Variants in ABTB2 observed in about 807,000 individuals in gnomAD.
ABTB2 encodes ankyrin repeat and BTB/POZ domain-containing protein 2.
ABTB2 carries 56 observed loss-of-function variants against 104.1 expected under a neutral mutation model. The ratio of observed to expected loss-of-function variants is 0.54; its 90% CI spans 0.43 to 0.67. ABTB2 has a LOEUF of 0.67. ABTB2 is among the 30% of genes least tolerant of loss of function. ABTB2 has a pLI of 0.00. For synonymous variants in ABTB2, 606 were observed against 608.2 expected (o/e 1.00, Z 0.05); for missense variants, 1,279 against 1,407.7 (o/e 0.91, Z 1.46).
intron 1 of ABTB2, among the ~76,000 whole-genome samples, chr11:34,217,860 T>TG (rs1407589678): frequency 1.3e-5 from 2 of 152,234 alleles, no homozygotes; most frequent in Non-Finnish European, 2.9e-5. Context: ...ACTGCCAAAT[T>TG]GTCTTCCAAA....
intron 1 of ABTB2, among the ~76,000 whole-genome samples, chr11:34,261,709 T>C (rs1854191359): frequency 6.6e-6 from 1 of 152,236 alleles, no homozygotes; most frequent in African/African-American, 2.4e-5. Flanking sequence ...ATGGGCATTA[T>C]AGTAAATTTA....
At position 34,357,387 on chromosome 11, in the gene ABTB2, T is replaced by G; in HGVS notation, c.197A>C (p.Asn66Thr). The stretch of plus-strand genomic sequence containing the variant: ...CACCGTGTTCACCGTGTCCCAGCTG[T>G]TGTGGCGGCTGTTCATGGAGCCGGA... ...CYSGSMNSRHNSWDTVNTVLP... is the reference protein window; with the variant it reads ...CYSGSMNSRHTSWDTVNTVLP... The change falls in exon 1 of 17, where the codon AAC becomes ACC. Residue 66 changes from asparagine to threonine, a missense_variant. Transcript: ENST00000435224. 1.3e-6 allele frequency: 2 copies of G among 1,544,150 alleles called. No homozygotes were observed. Among genetic ancestry groups the G allele is most frequent in the Non-Finnish European group, 1.8e-6 (2 of 1,142,626 alleles).
At chr11:34,350,807 C>T (rs1855389597) in intron 1 of ABTB2, among the ~76,000 whole-genome samples, 1 of 152,184 alleles carries the variant, frequency 6.6e-6, no homozygotes, top group Non-Finnish European at 1.5e-5. Context: ...ACCTTGGATT[C>T]TGTAATTCTT....
chr11:34,295,119 G>A (rs1408966467), intron 1 of ABTB2, among the ~76,000 whole-genome samples: 2 of 152,184 alleles, frequency 1.3e-5, no homozygotes. Flanking sequence ...AGGAGTTTGA[G>A]GCTGTAGTGA....
intron 3 of ABTB2, among the ~76,000 whole-genome samples, chr11:34,191,696 GGAA>G (rs1413147167): frequency 1.1e-4 from 17 of 152,266 alleles, no homozygotes; most frequent in African/African-American, 4.1e-4. Context: ...GGGAAGTGTG[GGAA>G]GAAGGACAAA....
intron 1 of ABTB2, among the ~76,000 whole-genome samples, chr11:34,211,510 A>G (rs1853479755): frequency 6.6e-6 from 1 of 152,130 alleles, no homozygotes; most frequent in African/African-American, 2.4e-5. Flanking sequence ...GTGTTGAGAC[A>G]AGAGCAAGAT....
chr11:34,322,530 G>T (rs914165819), intron 1 of ABTB2, among the ~76,000 whole-genome samples: 1 of 151,892 alleles, frequency 6.6e-6, no homozygotes, highest in African/African-American at 2.4e-5. Flanking sequence ...AACTGAGATT[G>T]CACCACTGCA....
At position 34,160,327 on chromosome 11, in the gene ABTB2, A is replaced by G; in HGVS notation, c.2424T>C (p.Ala808=). 6.2e-7 allele frequency: 1 copy of G among 1,614,158 alleles called. No individual in the cohort carries two copies. The highest frequency in any genetic ancestry group is 8.5e-7 in the Non-Finnish European group (1 of 1,179,994). Residue 808 remains alanine, a synonymous_variant, in exon 12 of 17, where the codon GCT becomes GCC. Coordinates refer to ENST00000435224, the MANE Select transcript of ABTB2 (RefSeq NM_145804.3). ...SKNDSVIQQL[A]TIFTHCYGSS... Reference sequence around the variant, plus strand: ...TGCCATAGCAGTGGGTGAAGATGGTAGCCAGTTGCTGGATGACGGAGTCGT... The same window carrying G: ...TGCCATAGCAGTGGGTGAAGATGGTGGCCAGTTGCTGGATGACGGAGTCGT...
At chr11:34,240,126 T>G (rs575467078) in intron 1 of ABTB2, among the ~76,000 whole-genome samples, 7 of 152,206 alleles carry the variant, frequency 4.6e-5, no homozygotes, top group Non-Finnish European at 8.8e-5. Context: ...CCCATTTTTT[T>G]CCCCTGGGTT....
At chr11:34,198,519 T>G (rs1009583528) in intron 2 of ABTB2, among the ~76,000 whole-genome samples, 2 of 151,910 alleles carry the variant, frequency 1.3e-5, no homozygotes, top group Non-Finnish European at 2.9e-5. Context: ...TTCATTCTCC[T>G]GGCCACAGGG....
chr11:34,153,063 G>T (rs1053358722), intron 16 of ABTB2, among the ~76,000 whole-genome samples: 30 of 152,276 alleles, frequency 2.0e-4, no homozygotes, highest in Admixed American at 1.9e-3. Flanking sequence ...CAAAGACAAG[G>T]TAACTGCAGA....
intron 1 of ABTB2, among the ~76,000 whole-genome samples, chr11:34,266,249 A>G (rs923341615): frequency 1.3e-5 from 2 of 151,902 alleles, no homozygotes; most frequent in Non-Finnish European, 2.9e-5. Context: ...TGCCTAGCAA[A>G]TTGTTACATT....
At chr11:34,206,273 C>T (rs760135690) in intron 1 of ABTB2, among the ~76,000 whole-genome samples, 17 of 152,140 alleles carry the variant, frequency 1.1e-4, no homozygotes, top group Non-Finnish European at 1.9e-4. Context: ...ATCCCAGCTA[C>T]TCGGGAGGCT....
intron 1 of ABTB2, among the ~76,000 whole-genome samples, chr11:34,349,388 A>G (rs1855372590): frequency 6.6e-6 from 1 of 152,156 alleles, no homozygotes; most frequent in African/African-American, 2.4e-5. Context: ...GCAAGGTGCA[A>G]GGGTGCTTTT....
At chr11:34,277,799 C>CA (rs1554921773) in intron 1 of ABTB2, among the ~76,000 whole-genome samples, 5 of 120,724 alleles carry the variant, frequency 4.1e-5, no homozygotes, top group Non-Finnish European at 6.6e-5. Flanking sequence ...AACAGATTCT[C>CA]TTTTTTTTTT....
Position 34,357,491 on chromosome 11 carries a change from G to A in ABTB2, c.93C>T (p.Ser31=), listed in dbSNP as rs1299645163. ...GCGAGTTGGACTTGGAGGACGAGAG[G>A]CTGAGCGAGCGGCACGAGTCCCCGG... ...YGAGDSCRSL[S]LSSSKSNSQA... is the part of the protein sequence containing the mutation. The change falls in exon 1 of 17, where the codon AGC becomes AGT. Residue 31 remains serine (S), a synonymous_variant. Coordinates refer to ENST00000435224, the MANE Select transcript of ABTB2 (RefSeq NM_145804.3). 6.5e-7 allele frequency: 1 copy of A among 1,543,912 alleles called. No individual in the cohort carries two copies. The highest frequency in any genetic ancestry group is 1.4e-5 in the African/African-American group (1 of 73,038).
chr11:34,265,253 T>C (rs1330613632), intron 1 of ABTB2, among the ~76,000 whole-genome samples: 1 of 152,014 alleles, frequency 6.6e-6, no homozygotes, highest in Non-Finnish European at 1.5e-5. Context: ...AGAGGATGGG[T>C]GGAGAAAGGC....
rs368315609 is a variant in ABTB2, at chr11:34,265,229, G to A, written c.884-60539C>T. Among the ~76,000 whole-genome samples the A allele has an allele frequency of 2.6e-5, 4 of 152,264 alleles. No individual in the cohort carries two copies. The South Asian group carries it at 6.2e-4, about 24-fold the overall frequency. ...TCACAAACACCCAGGCCCTTTCACC[G>A]GCCTAGCTGGGGGAGAGGATGGGTG... On this transcript the variant is annotated intron_variant, in intron 1 of 16. Transcript: ENST00000435224.
intron 1 of ABTB2, among the ~76,000 whole-genome samples, chr11:34,222,513 T>TC (rs1740382495): frequency 6.6e-6 from 1 of 152,136 alleles, no homozygotes; most frequent in African/African-American, 2.4e-5. Context: ...AGGAGCCTCC[T>TC]CCTCCACCTG....
Sources: gnomAD v4.1 joint callset for allele counts (sites outside exome capture counted in the v4.1 genomes callset) on GRCh38, gnomAD v4.1.1 for gene constraint, MANE v1.5 for transcripts, NCBI Gene and HGNC (gene_info 2026-07-23, HGNC 2026-07-21) for gene names.